Variants in ADARB2 observed in about 807,000 individuals in gnomAD.
ADARB2 encodes adenosine deaminase RNA specific B2 (inactive).
A neutral mutation model predicts 62.2 loss-of-function variants in ADARB2; 25 were observed. The observed-to-expected ratio is 0.40, with a 90% CI of 0.29 to 0.56. ADARB2 has a LOEUF of 0.56. Among genes scored for constraint, ADARB2 ranks in the 20% least tolerant of loss-of-function variants. The pLI is 0.43. For synonymous variants in ADARB2, 572 were observed against 500.8 expected (o/e 1.14, Z -1.90); for missense variants, 1,071 against 1,077.4 (o/e 0.99, Z 0.08).
rs187825685 is a variant in ADARB2 at position 1,248,564 on chromosome 10, C to T, written c.1193-6265G>A. On this transcript the variant is annotated intron_variant, in intron 4 of 9. Coordinates refer to ENST00000381312, the MANE Select transcript of ADARB2 (RefSeq NM_018702.4). ...GCTGCAGCTGTGAGCTGCTCCTGGC[C>T]GGTACTCGGAGCCAGGAGAAGATCA... 2.9e-4 allele frequency among the ~76,000 whole-genome samples: 44 copies of T among 152,248 alleles called. 1 individual carries two copies. The highest frequency in any genetic ancestry group is 2.2e-3 in the Admixed American group (34 of 15,296).
At chr10:1,618,012 G>A (rs189916758) in intron 1 of ADARB2, among the ~76,000 whole-genome samples, 1 of 152,290 alleles carries the variant, frequency 6.6e-6, no homozygotes, top group East Asian at 1.9e-4. Context: ...ATCTCCCCGG[G>A]AGCTTCATCA....
chr10:1,376,856 T>TGGTGGGGCAGGGGGGTG (rs1211803975), intron 2 of ADARB2, among the ~76,000 whole-genome samples: 3 of 13,524 alleles, frequency 2.2e-4, no homozygotes, highest in African/African-American at 3.9e-4. Flanking sequence ...GGCTCAGCTT[T>TGGTGGGGCAGGGGGGTG]GGTGGGGCAG....
chr10:1,712,123 T>C (rs1834954963), intron 1 of ADARB2, among the ~76,000 whole-genome samples: 1 of 152,206 alleles, frequency 6.6e-6, no homozygotes, highest in Non-Finnish European at 1.5e-5. Flanking sequence ...CAGTTGATAA[T>C]GTTCGAAGCT....
intron 1 of ADARB2, among the ~76,000 whole-genome samples, chr10:1,471,956 A>T (rs1045117046): frequency 3.2e-4 from 49 of 152,226 alleles, no homozygotes; most frequent in African/African-American, 1.2e-3. Flanking sequence ...AAGTACTTTA[A>T]TTTTTGGTTG....
chr10:1,277,482 G>A (rs541031682), intron 3 of ADARB2, among the ~76,000 whole-genome samples: 113 of 152,278 alleles, frequency 7.4e-4, no homozygotes, highest in South Asian at 3.1e-3. Flanking sequence ...ACACCTCTAC[G>A]CAAATAAACT....
At chr10:1,575,027 A>AGGGCTGCAGCATTGTAACAGGTAACT (rs1832991636) in intron 1 of ADARB2, among the ~76,000 whole-genome samples, 3 of 152,236 alleles carry the variant, frequency 2.0e-5, no homozygotes, top group Non-Finnish European at 4.4e-5. Flanking sequence ...AACAGGTAAC[A>AGGGCTGCAGCATTGTAACAGGTAACT]GGGCTGCAAC....
At chr10:1,344,653 AG>A (rs1426265842) in intron 3 of ADARB2, among the ~76,000 whole-genome samples, 1 of 152,194 alleles carries the variant, frequency 6.6e-6, no homozygotes, top group African/African-American at 2.4e-5. Flanking sequence ...ACTGTTTCCC[AG>A]GAGGCAAAAT....
intron 3 of ADARB2, among the ~76,000 whole-genome samples, chr10:1,335,673 C>T (rs1021365908): frequency 1.3e-5 from 2 of 152,126 alleles, no homozygotes; most frequent in African/African-American, 4.8e-5. Flanking sequence ...TTTTCTAAAA[C>T]CTGAGGAACA....
intron 2 of ADARB2, among the ~76,000 whole-genome samples, chr10:1,364,334 T>A (rs1397438248): frequency 6.6e-6 from 1 of 152,076 alleles, no homozygotes; most frequent in Non-Finnish European, 1.5e-5. Context: ...GCCCCCCCAA[T>A]ACTGAGGGTC....
At chr10:1,459,942 G>A (rs574905082) in intron 1 of ADARB2, among the ~76,000 whole-genome samples, 10 of 145,230 alleles carry the variant, frequency 6.9e-5, no homozygotes, top group African/African-American at 2.1e-4. Flanking sequence ...GTTTACCTGC[G>A]TTACGAACCT....
At chr10:1,225,762 G>GT (rs1830739649) in intron 6 of ADARB2, among the ~76,000 whole-genome samples, 1 of 151,160 alleles carries the variant, frequency 6.6e-6, no homozygotes, top group South Asian at 2.1e-4. Flanking sequence ...GGCTTGTAGA[G>GT]TTTCTGCCGA....
At chr10:1,619,310 A>T (rs1286200760) in intron 1 of ADARB2, among the ~76,000 whole-genome samples, 1 of 99,700 alleles carries the variant, frequency 1.0e-5, no homozygotes, top group East Asian at 4.5e-4. Context: ...AAAAAAAAAG[A>T]AAAAATACGC....
At chr10:1,502,177 C>T (rs1018772472) in intron 1 of ADARB2, among the ~76,000 whole-genome samples, 6 of 152,250 alleles carry the variant, frequency 3.9e-5, no homozygotes, top group Admixed American at 6.5e-5. Context: ...GGAGACTTCT[C>T]GTTCACCAGC....
chr10:1,195,616 T>A (rs1197539521), intron 8 of ADARB2, among the ~76,000 whole-genome samples: 1 of 152,050 alleles, frequency 6.6e-6, no homozygotes, highest in East Asian at 1.9e-4. Flanking sequence ...GAGAGGCTGA[T>A]CCTGGTTCAG....
chr10:1,182,041 C>T lies in ADARB2; in HGVS notation c.*1152G>A, dbSNP rs1263130113. On this transcript the variant is annotated 3_prime_UTR_variant, in exon 10 of 10. Coordinates refer to ENST00000381312, the MANE Select transcript of ADARB2 (RefSeq NM_018702.4). The stretch of plus-strand genomic sequence containing the variant: ...GAGGGTCACAGAATCCTGCCTCTTA[C>T]ATTTTTTGACAGCTGAACTTTTTTG... 2 of 152,206 alleles carry T rather than the reference C, an allele frequency of 1.3e-5. No individual in the cohort carries two copies. Among genetic ancestry groups the T allele is most frequent in the Non-Finnish European group, 2.9e-5 (2 of 68,052 alleles). 9.4% of individuals were successfully genotyped at this position (152,206 alleles called of 1,614,324 possible).
chr10:1,672,515 C>T (rs1343209964), intron 1 of ADARB2, among the ~76,000 whole-genome samples: 2 of 152,200 alleles, frequency 1.3e-5, no homozygotes, highest in Admixed American at 6.5e-5. Flanking sequence ...CCGCACTTCT[C>T]CAAGAGCCCG....
intron 7 of ADARB2, among the ~76,000 whole-genome samples, chr10:1,209,233 G>A (rs765235001): frequency 1.3e-5 from 2 of 151,530 alleles, no homozygotes; most frequent in African/African-American, 2.4e-5. Flanking sequence ...CAGCCCTTAG[G>A]TGTGGGGATG....
intron 1 of ADARB2, among the ~76,000 whole-genome samples, chr10:1,691,640 A>T (rs1834674317): frequency 6.6e-6 from 1 of 152,166 alleles, no homozygotes; most frequent in Non-Finnish European, 1.5e-5. Flanking sequence ...AACTTCACGT[A>T]CTTTTCCTTT....
intron 1 of ADARB2, among the ~76,000 whole-genome samples, chr10:1,630,747 G>C (rs1452503751): frequency 6.6e-6 from 1 of 152,174 alleles, no homozygotes; most frequent in Non-Finnish European, 1.5e-5. Context: ...ATGAGGTCAA[G>C]AGATTGAGAC....
Sources: gnomAD v4.1 joint callset for allele counts (sites outside exome capture counted in the v4.1 genomes callset) on GRCh38, gnomAD v4.1.1 for gene constraint, MANE v1.5 for transcripts, NCBI Gene and HGNC (gene_info 2026-07-23, HGNC 2026-07-21) for gene names.